Variants in CMIP observed in about 807,000 individuals in gnomAD.
CMIP encodes the protein c-Maf inducing protein, also known as C-Maf-inducing protein.
CMIP carries 13 observed loss-of-function variants against 97.3 expected under a neutral mutation model. That is an observed-to-expected ratio of 0.13 (90% confidence interval 0.09 to 0.21). CMIP has a LOEUF of 0.21. Ranked by LOEUF, CMIP falls within the 10% of genes least tolerant of loss-of-function variation. The pLI is 1.00. For synonymous variants in CMIP, 538 were observed against 436.3 expected, an observed-to-expected ratio of 1.23 and a Z score of -2.91; for missense variants, 847 against 1,024.9, an observed-to-expected ratio of 0.83 and a Z score of 2.37.
intron 14 of CMIP, 121 bp downstream of exon 14, chr16:81,696,788 T>C: frequency 1.2e-6 from 1 of 827,802 alleles, no homozygotes. Flanking sequence ...GCTAACACAG[T>C]GCTGATCATG....
chr16:81,644,844 G>C (rs1013306504), intron 3 of CMIP, among the ~76,000 whole-genome samples: 3 of 152,168 alleles, frequency 2.0e-5, no homozygotes, highest in African/African-American at 7.2e-5. Context: ...TTGGAGAGGG[G>C]GGTCTCCCAT....
intron 3 of CMIP, among the ~76,000 whole-genome samples, chr16:81,650,676 G>C (rs1308194578): frequency 6.6e-6 from 1 of 152,062 alleles, no homozygotes; most frequent in African/African-American, 2.4e-5. Context: ...CAGTCTCAGC[G>C]TTCCTTTTTG....
intron 1 of CMIP, among the ~76,000 whole-genome samples, chr16:81,536,080 C>A (rs145360977): frequency 6.6e-6 from 1 of 152,124 alleles, no homozygotes; most frequent in Non-Finnish European, 1.5e-5. Context: ...CCCGAAGCAT[C>A]CCCCGACCCC....
chr16:81,684,046 C>T (rs1283395832), intron 10 of CMIP, among the ~76,000 whole-genome samples: 1 of 152,216 alleles, frequency 6.6e-6, no homozygotes, highest in Non-Finnish European at 1.5e-5. Context: ...CAGGCGTGAG[C>T]CACCACGCCC....
At chr16:81,458,254 C>T (rs1906683233) in intron 1 of CMIP, among the ~76,000 whole-genome samples, 1 of 152,142 alleles carries the variant, frequency 6.6e-6, no homozygotes, top group Non-Finnish European at 1.5e-5. Flanking sequence ...GGTCCCTCTC[C>T]TTTTTATAGC....
chr16:81,583,591 C>T (rs1597115345), intron 1 of CMIP, among the ~76,000 whole-genome samples: 1 of 152,150 alleles, frequency 6.6e-6, no homozygotes. Flanking sequence ...GTGACTGAGT[C>T]CCAAGAGAAG....
At chr16:81,651,176 AG>A (rs1349465958) in intron 3 of CMIP, 1 of 152,272 alleles carries the variant, frequency 6.6e-6, no homozygotes. Context: ...GCTCTCCCTA[AG>A]GAGCAGAGCA....
At chr16:81,545,262 T>C (rs1326689217) in intron 1 of CMIP, among the ~76,000 whole-genome samples, 1 of 152,214 alleles carries the variant, frequency 6.6e-6, no homozygotes. Flanking sequence ...GCATTCGTTA[T>C]CTCAGGATTT....
At chr16:81,690,753 C>T (rs1270127623) in intron 10 of CMIP, among the ~76,000 whole-genome samples, 1 of 152,180 alleles carries the variant, frequency 6.6e-6, no homozygotes, top group Non-Finnish European at 1.5e-5. Flanking sequence ...GGCAAAACCC[C>T]ATCCCTACTA....
chr16:81,678,703 G>A, intron 10 of CMIP, 75 bp downstream of exon 10: 1 of 702,020 alleles, frequency 1.4e-6, no homozygotes, highest in South Asian at 1.8e-5. Flanking sequence ...GTGCGGCTGT[G>A]TTTGTTGGTT....
intron 1 of CMIP, among the ~76,000 whole-genome samples, chr16:81,478,535 AT>A (rs1908069177): frequency 6.6e-6 from 1 of 152,100 alleles, no homozygotes; most frequent in South Asian, 2.1e-4. Flanking sequence ...CATTCATGGA[AT>A]TCCATTGAGG....
At chr16:81,703,863 G>T (rs1907712963) in intron 17 of CMIP, 76 bp from the exon 18 acceptor site, 1 of 1,508,350 alleles carries the variant, frequency 6.6e-7, no homozygotes, top group Non-Finnish European at 8.8e-7. Context: ...GAGAGGAGGA[G>T]GATAGGGGAT....
intron 3 of CMIP, among the ~76,000 whole-genome samples, chr16:81,626,560 G>C (rs180827014): frequency 2.0e-5 from 3 of 146,716 alleles, no homozygotes; most frequent in Admixed American, 2.0e-4. Context: ...TGTGTGTGTG[G>C]TGTGTGGGTG....
chr16:81,446,637 C>T (rs1431031945), intron 1 of CMIP, among the ~76,000 whole-genome samples: 2 of 152,076 alleles, frequency 1.3e-5, no homozygotes, highest in Non-Finnish European at 2.9e-5. Context: ...GGGAGGGGGC[C>T]GAATCCACTG....
intron 3 of CMIP, among the ~76,000 whole-genome samples, chr16:81,642,113 G>A (rs1189111670): frequency 6.6e-6 from 1 of 152,254 alleles, no homozygotes; most frequent in Non-Finnish European, 1.5e-5. Context: ...TGGCTTTTCC[G>A]CTGTCTTGTC....
chr16:81,523,873 C>G (rs1372573530), intron 1 of CMIP, among the ~76,000 whole-genome samples: 3 of 152,370 alleles, frequency 2.0e-5, no homozygotes, highest in African/African-American at 7.2e-5. Flanking sequence ...TCCCTTGGCT[C>G]CCTCCAAACG....
At chr16:81,594,909 G>T (rs186915052) in intron 1 of CMIP, among the ~76,000 whole-genome samples, 1 of 151,494 alleles carries the variant, frequency 6.6e-6, no homozygotes, top group African/African-American at 2.4e-5. Context: ...GGGATTACAG[G>T]TGTGAGCCAC....
intron 7 of CMIP, among the ~76,000 whole-genome samples, chr16:81,667,887 G>C (rs2092627463): frequency 6.7e-6 from 1 of 150,274 alleles, no homozygotes; most frequent in Admixed American, 6.7e-5. Flanking sequence ...TGCTCCGGGG[G>C]CTCTGCCTCC....
At chr16:81,562,760 C>T (rs1340295495) in intron 1 of CMIP, among the ~76,000 whole-genome samples, 1 of 152,232 alleles carries the variant, frequency 6.6e-6, no homozygotes, top group Non-Finnish European at 1.5e-5. Flanking sequence ...ATCACATACC[C>T]ATCCAGTGAG....
Sources: gnomAD v4.1 joint callset for allele counts (sites outside exome capture counted in the v4.1 genomes callset) on GRCh38, gnomAD v4.1.1 for gene constraint, MANE v1.5 for transcripts, NCBI Gene and HGNC (gene_info 2026-07-23, HGNC 2026-07-21) for gene names.